Variants in PCDH7 observed in about 807,000 individuals in gnomAD.
The protein encoded by PCDH7 is protocadherin 7, also known as protocadherin-7.
A neutral mutation model predicts 58.9 loss-of-function variants in PCDH7; 17 were observed. The ratio of observed to expected loss-of-function variants is 0.29; its 90% CI spans 0.20 to 0.43. The LOEUF is 0.43. Ranked by LOEUF, PCDH7 falls within the 20% of genes least tolerant of loss-of-function variation. PCDH7 has a pLI of 1.00. For missense variants in PCDH7, 1,274 were observed against 1,441.0 expected (o/e 0.88, Z 1.88); for synonymous variants, 664 against 616.4 (o/e 1.08, Z -1.14).
At chr4:30,808,092 A>T (rs991968895) in intron 1 of PCDH7, among the ~76,000 whole-genome samples, 1 of 152,212 alleles carries the variant, frequency 6.6e-6, no homozygotes, top group Non-Finnish European at 1.5e-5. Flanking sequence ...CCAAACATGT[A>T]CTAAGGTTGT....
At chr4:31,018,383 T>C (rs1219393058) in intron 3 of PCDH7, among the ~76,000 whole-genome samples, 1 of 152,198 alleles carries the variant, frequency 6.6e-6, no homozygotes, top group East Asian at 1.9e-4. Context: ...GACAACATTC[T>C]TGATTCCTTT....
chr4:31,096,355 A>G (rs933234493), intron 3 of PCDH7, among the ~76,000 whole-genome samples: 1 of 152,164 alleles, frequency 6.6e-6, no homozygotes, highest in Admixed American at 6.5e-5. Context: ...GAAAATAGAA[A>G]GTTGGGTCAC....
chr4:30,996,390 A>G (rs1248291023), intron 3 of PCDH7, among the ~76,000 whole-genome samples: 2 of 152,230 alleles, frequency 1.3e-5, no homozygotes, highest in African/African-American at 4.8e-5. Context: ...TAAAGAAAGG[A>G]TAGTGATTCC....
chr4:31,117,164 G>T (rs1381100567), intron 3 of PCDH7, among the ~76,000 whole-genome samples: 2 of 152,274 alleles, frequency 1.3e-5, no homozygotes, highest in South Asian at 2.1e-4. Context: ...TTACAGGCAT[G>T]AGCCACCGCT....
chr4:31,020,377 C>T (rs774966341), intron 3 of PCDH7, among the ~76,000 whole-genome samples: 4 of 152,190 alleles, frequency 2.6e-5, no homozygotes, highest in South Asian at 2.1e-4. Context: ...CTCGCACGCG[C>T]GTGCACATGC....
chr4:30,836,683 T>C (rs1730525076), intron 1 of PCDH7, among the ~76,000 whole-genome samples: 1 of 151,984 alleles, frequency 6.6e-6, no homozygotes, highest in Non-Finnish European at 1.5e-5. Flanking sequence ...AGTAAAATAA[T>C]GTTATGATAA....
At chr4:31,121,335 A>G (rs1188491438) in intron 3 of PCDH7, among the ~76,000 whole-genome samples, 1 of 152,234 alleles carries the variant, frequency 6.6e-6, no homozygotes, top group Admixed American at 6.5e-5. Context: ...GGAAGGAAGG[A>G]AGTGTAAGAA....
Position 30,978,658 on chromosome 4 carries a change from C to CT in PCDH7, c.*7+28447dup, listed in dbSNP as rs1750284821. 2.6e-5 allele frequency among the ~76,000 whole-genome samples: 4 copies of CT among 152,176 alleles called. No individual in the cohort carries two copies. In the South Asian group the frequency reaches 8.3e-4, roughly 32 times the overall value. The stretch of plus-strand genomic sequence containing the variant: ...GATAGTATTTTAAAAGTTGTTGTGA[C>CT]TTTTAAAACACCTACACCATTATCG... On this transcript the variant is annotated intron_variant, in intron 3 of 3. Coordinates refer to the PCDH7 transcript ENST00000509759.
intron 1 of PCDH7, among the ~76,000 whole-genome samples, chr4:30,739,126 T>A (rs1003272977): frequency 1.4e-5 from 2 of 146,598 alleles, no homozygotes; most frequent in South Asian, 2.1e-4. Flanking sequence ...TATATATATT[T>A]TATATATAAA....
At chr4:31,017,485 T>C (rs770125752) in intron 3 of PCDH7, among the ~76,000 whole-genome samples, 26 of 152,276 alleles carry the variant, frequency 1.7e-4, no homozygotes, top group Non-Finnish European at 3.4e-4. Flanking sequence ...GAATCACTTA[T>C]TGACTGAATG....
At chr4:30,840,541 T>C (rs1373777578) in intron 1 of PCDH7, among the ~76,000 whole-genome samples, 1 of 152,174 alleles carries the variant, frequency 6.6e-6, no homozygotes, top group Non-Finnish European at 1.5e-5. Flanking sequence ...ACATAAAGCA[T>C]TTTTATGATA....
At chr4:30,976,651 G>A (rs983759485) in intron 3 of PCDH7, among the ~76,000 whole-genome samples, 2 of 151,524 alleles carry the variant, frequency 1.3e-5, no homozygotes, top group Admixed American at 6.6e-5. Flanking sequence ...CGCCCACCTC[G>A]GCCTCCCAAA....
chr4:30,723,442 A>G lies in PCDH7; in HGVS notation c.2020A>G (p.Met674Val), dbSNP rs1391802295. 2 of 1,614,222 alleles carry G rather than the reference A, an allele frequency of 1.2e-6. No individual in the cohort carries two copies. The highest frequency in any genetic ancestry group is 1.7e-6 in the Non-Finnish European group (2 of 1,180,042). ...TGCTGACAAGGGGCGGAATGCAGAG[A>G]TGAGCCTGTACATAGAGGAGAACAA... Residue 674 changes from methionine to valine, a missense_variant, in exon 1 of 2, where the codon ATG (methionine) becomes GTG (valine). Physicochemically the swap from Met to Val is conservative, Grantham distance 21. Around this residue, in one of 3 missense-constraint regions of PCDH7, gnomAD observed 731 missense variants for 881.9 expected, o/e 0.83. Transcript: ENST00000361762. The surrounding 1 kb of genome is among the most constrained non-coding windows in gnomAD (Gnocchi z 4.6).
At chr4:30,979,252 G>C (rs1750341776) in intron 3 of PCDH7, among the ~76,000 whole-genome samples, 1 of 150,916 alleles carries the variant, frequency 6.6e-6, no homozygotes, top group South Asian at 2.1e-4. Context: ...CGTGAACCCA[G>C]GAGGAGGAGC....
chr4:30,970,434 A>G (rs1749478968), intron 3 of PCDH7, among the ~76,000 whole-genome samples: 2 of 151,834 alleles, frequency 1.3e-5, no homozygotes, highest in Non-Finnish European at 2.9e-5. Flanking sequence ...AGCTGGGACC[A>G]CAGGCACCCA....
At chr4:30,803,261 G>A (rs1725758913) in intron 1 of PCDH7, among the ~76,000 whole-genome samples, 3 of 152,172 alleles carry the variant, frequency 2.0e-5, no homozygotes, top group Admixed American at 2.0e-4. Flanking sequence ...GTATCTGTGA[G>A]TGTGATTGCC....
chr4:30,750,460 C>T (rs1718361573), intron 1 of PCDH7, among the ~76,000 whole-genome samples: 1 of 152,032 alleles, frequency 6.6e-6, no homozygotes, highest in Admixed American at 6.6e-5. Context: ...GATACCTAGA[C>T]TCAACCATTA....
intron 1 of PCDH7, among the ~76,000 whole-genome samples, chr4:30,885,969 A>G (rs1459151584): frequency 6.6e-6 from 1 of 151,924 alleles, no homozygotes; most frequent in African/African-American, 2.4e-5. Flanking sequence ...ACAAAAATCA[A>G]TTCAAGATGG....
downstream of PCDH7, among the ~76,000 whole-genome samples, chr4:30,733,514 A>C (rs985139475): frequency 2.0e-5 from 3 of 152,182 alleles, no homozygotes; most frequent in Non-Finnish European, 4.4e-5. Flanking sequence ...GTTGGATTCG[A>C]ACCCCTGACC....
Sources: gnomAD v4.1 joint callset for allele counts (sites outside exome capture counted in the v4.1 genomes callset) on GRCh38, gnomAD v4.1.1 for gene constraint, gnomAD v4.1.1 regional missense constraint, Gnocchi (gnomAD v3.1) non-coding constraint, MANE v1.5 for transcripts, NCBI Gene and HGNC (gene_info 2026-07-23, HGNC 2026-07-21) for gene names.